DGLUCY: variants seen among roughly 807,000 people sequenced by gnomAD.
DGLUCY encodes the protein D-glutamate cyclase, mitochondrial.
Under a neutral mutation model 58.5 loss-of-function variants are expected in DGLUCY, and 58 were observed. The ratio of observed to expected loss-of-function variants is 0.99; its 90% CI spans 0.80 to 1.23. The LOEUF (loss-of-function observed/expected upper bound fraction) is 1.23. Ranked by LOEUF, DGLUCY falls within the 50% of genes most tolerant of loss-of-function variation. DGLUCY has a pLI of 0.00. For synonymous variants in DGLUCY, 325 were observed against 314.1 expected (o/e 1.03, Z -0.37); for missense variants, 779 against 784.7 (o/e 0.99, Z 0.09).
chr14:91,170,010 C>T lies in DGLUCY; in HGVS notation c.265C>T (p.His89Tyr). The T allele has an allele frequency of 6.2e-7, 1 of 1,612,206 alleles. No individual in the cohort carries two copies. Among genetic ancestry groups the T allele is most frequent in the Non-Finnish European group, 8.5e-7 (1 of 1,180,012 alleles). The change falls in exon 5 of 14, where the codon CAT becomes TAT. Residue 89 changes from histidine (H) to tyrosine (Y), a missense_variant. By Grantham distance (83) the His-to-Tyr change is moderately conservative (BLOSUM62 2). Transcript: ENST00000256324. ...TTCCCCTTATGTCCCCAGGATGGGC[C>T]ATCCCCAGTTCTGGAAATACGAGTT... ...QGAISETRMG[H>Y]PQFWKYEFGA...
intron 1 of DGLUCY, among the ~76,000 whole-genome samples, chr14:91,127,017 G>T (rs958241028): frequency 1.3e-5 from 2 of 148,396 alleles, no homozygotes; most frequent in Admixed American, 6.7e-5. Flanking sequence ...AAAGCTGGCC[G>T]ATGTACATTC....
At chr14:91,174,712 AC>A (rs2048762046) in intron 6 of DGLUCY, among the ~76,000 whole-genome samples, 1 of 152,164 alleles carries the variant, frequency 6.6e-6, no homozygotes, top group African/African-American at 2.4e-5. Flanking sequence ...GTATAATCAA[AC>A]CCAAAGAGGG....
intron 1 of DGLUCY, among the ~76,000 whole-genome samples, chr14:91,091,331 G>A (rs1265484803): frequency 6.6e-6 from 1 of 152,000 alleles, no homozygotes; most frequent in Non-Finnish European, 1.5e-5. Flanking sequence ...GACAAGCCTG[G>A]GCAACATGGT....
In DGLUCY at chr14:91,075,744, C is replaced by T. The variant is rs74083912; in HGVS notation, c.-82+15040C>T. 9.1e-3 allele frequency among the ~76,000 whole-genome samples: 1,378 copies of T among 152,160 alleles called. 11 individuals are homozygous for T. The highest frequency in any genetic ancestry group is 0.025 in the African/African-American group (1,020 of 41,524). On this transcript the variant is annotated intron_variant, in intron 1 of 4. Coordinates refer to the DGLUCY transcript ENST00000521334. ...ACCAAAGAAGCAATCAGCACTAGCC[C>T]GGGTGGTTCATTTCCTTATTTATTC... is the stretch of plus-strand genomic sequence containing the variant.
At chr14:91,141,553 A>AT (rs71120118) in intron 1 of DGLUCY, among the ~76,000 whole-genome samples, 42,105 of 138,032 alleles carry the variant, frequency 0.31, 7,519 homozygotes, top group East Asian at 0.47. Context: ...AGAGAGGTTA[A>AT]TTTTTTTTTT....
At position 91,181,270 on chromosome 14, in the gene DGLUCY, C is replaced by A. The variant is rs772190030; in HGVS notation, c.815C>A (p.Thr272Asn). ...GCAAAGGCTCCACCTGGTTGTCTCA[C>A]CCCAGAGAGAATTCCAGAGGTCCAT... ...KDAKAPPGCL[T>N]PERIPEVHHI... is the part of the protein sequence containing the mutation. The change falls in exon 8 of 14, where the codon ACC (threonine) becomes AAC (asparagine). Residue 272 changes from threonine to asparagine, a missense_variant. By Grantham distance (65) the Thr-to-Asn change is moderately conservative. Coordinates refer to ENST00000256324, the MANE Select transcript of DGLUCY (RefSeq NM_001102368.3). 1.7e-4 allele frequency: 268 copies of A among 1,614,042 alleles called. No homozygotes were observed. The highest frequency in any genetic ancestry group is 2.2e-4 in the Non-Finnish European group (265 of 1,180,020).
At chr14:91,094,602 A>G (rs889234071) in intron 1 of DGLUCY, among the ~76,000 whole-genome samples, 1 of 151,828 alleles carries the variant, frequency 6.6e-6, no homozygotes, top group Non-Finnish European at 1.5e-5. Context: ...GCACTTTGGG[A>G]GGCTGAGGTC....
At position 91,074,222 on chromosome 14, in the gene DGLUCY, G is replaced by A. The variant is rs998953343; in HGVS notation, c.-82+13518G>A. On this transcript the variant is annotated intron_variant, in intron 1 of 4. Transcript: ENST00000521334. ...GAGGTGGGAAGATCACATGAGCCTAGGAGGCCAAGTCTGCAGTGAGCTGTG... is the reference window on the plus strand; with the variant it reads ...GAGGTGGGAAGATCACATGAGCCTAAGAGGCCAAGTCTGCAGTGAGCTGTG... 3.4e-5 allele frequency among the ~76,000 whole-genome samples: 5 copies of A among 145,728 alleles called. No individual in the cohort carries two copies. The Admixed American group carries it at 3.5e-4, about 10-fold the overall frequency.
chr14:91,082,423 G>A (rs1463097588), intron 1 of DGLUCY, among the ~76,000 whole-genome samples: 32 of 152,190 alleles, frequency 2.1e-4, no homozygotes, highest in Admixed American at 2.1e-3. Context: ...GCTTATTATT[G>A]TGATTACTTC....
At chr14:91,208,984 C>T (rs1885224681) in intron 12 of DGLUCY, among the ~76,000 whole-genome samples, 4 of 152,098 alleles carry the variant, frequency 2.6e-5, no homozygotes, top group Admixed American at 2.6e-4. Context: ...ATATAAAATA[C>T]TCAGTTAAAA....
chr14:91,110,430 CTTTTTT>C (rs10711938), upstream of DGLUCY, among the ~76,000 whole-genome samples: 4 of 88,090 alleles, frequency 4.5e-5, no homozygotes, highest in Admixed American at 2.5e-4. Context: ...TTCTTTCTTT[CTTTTTT>C]TTTTTTTTTT....
At chr14:91,183,653 A>G (rs549754487) in intron 8 of DGLUCY, among the ~76,000 whole-genome samples, 1 of 152,152 alleles carries the variant, frequency 6.6e-6, no homozygotes, top group African/African-American at 2.4e-5. Flanking sequence ...CAGTGACTCT[A>G]CGTGGAGGCA....
At chr14:91,128,893 T>C (rs930821230) in intron 1 of DGLUCY, 13 of 151,794 alleles carry the variant, frequency 8.6e-5, no homozygotes, top group Non-Finnish European at 1.5e-4. Context: ...CTGAGTCACA[T>C]GGCACTATTG....
chr14:91,095,502 G>A (rs564802279), intron 1 of DGLUCY, among the ~76,000 whole-genome samples: 2 of 152,298 alleles, frequency 1.3e-5, no homozygotes, highest in South Asian at 2.1e-4. Context: ...TTTGGTAAGG[G>A]AGCTTTTTTT....
chr14:91,216,096 G>A (rs931704393), intron 13 of DGLUCY: 3 of 225,136 alleles, frequency 1.3e-5, no homozygotes, highest in Admixed American at 5.2e-5. Flanking sequence ...AATCCCAGCG[G>A]GAGGAATGGG....
chr14:91,127,017 G>A (rs958241028), intron 1 of DGLUCY, among the ~76,000 whole-genome samples: 2 of 148,396 alleles, frequency 1.3e-5, no homozygotes, highest in Non-Finnish European at 3.0e-5. Flanking sequence ...AAAGCTGGCC[G>A]ATGTACATTC....
chr14:91,061,063 G>A (rs2043662309), intron 1 of DGLUCY, among the ~76,000 whole-genome samples: 1 of 152,140 alleles, frequency 6.6e-6, no homozygotes, highest in Admixed American at 6.5e-5. Context: ...GAAAGAGGCG[G>A]GGAGGGATGA....
At chr14:91,142,489 A>T (rs1019578537) in intron 1 of DGLUCY, among the ~76,000 whole-genome samples, 1 of 152,138 alleles carries the variant, frequency 6.6e-6, no homozygotes, top group Non-Finnish European at 1.5e-5. Flanking sequence ...AGAGGAAGTT[A>T]GAAGAGGGTA....
At chr14:91,123,805 T>C (rs1393766136) in intron 1 of DGLUCY, among the ~76,000 whole-genome samples, 4 of 152,156 alleles carry the variant, frequency 2.6e-5, no homozygotes, top group Non-Finnish European at 4.4e-5. Flanking sequence ...CTTGAACTTC[T>C]GGGCTCAAAC....
Sources: allele counts gnomAD v4.1 joint callset (sites outside exome capture counted in the v4.1 genomes callset), GRCh38; gene constraint gnomAD v4.1.1; transcripts MANE v1.5; gene names NCBI Gene and HGNC (gene_info 2026-07-23, HGNC 2026-07-21).